Variants in CNBD1 observed in about 807,000 individuals in gnomAD.
CNBD1 encodes the protein cyclic nucleotide-binding domain-containing protein 1.
In CNBD1, 71 loss-of-function variants were observed where a neutral mutation model predicts 54.4. The observed-to-expected ratio is 1.30, with a 90% CI of 1.08 to 1.59. CNBD1 has a LOEUF of 1.59. Ranked by LOEUF, CNBD1 falls within the 40% of genes most tolerant of loss-of-function variation. CNBD1 has a pLI of 0.00. For missense variants in CNBD1, 659 were observed against 518.0 expected (o/e 1.27, Z -2.64); for synonymous variants, 182 against 170.7 (o/e 1.07, Z -0.51).
At chr8:87,056,290 G>A (rs1368370715) in intron 4 of CNBD1, among the ~76,000 whole-genome samples, 1 of 152,190 alleles carries the variant, frequency 6.6e-6, no homozygotes, top group African/African-American at 2.4e-5. Context: ...ACACTGCTGG[G>A]CTGGGAGATG....
At chr8:87,195,600 G>A (rs1187329783) in intron 4 of CNBD1, among the ~76,000 whole-genome samples, 2 of 149,340 alleles carry the variant, frequency 1.3e-5, no homozygotes, top group Non-Finnish European at 3.0e-5. Context: ...TTGAGACAGA[G>A]TCTTGCTCTG....
chr8:87,250,256 A>C (rs949255689), intron 6 of CNBD1, among the ~76,000 whole-genome samples: 3 of 152,208 alleles, frequency 2.0e-5, no homozygotes, highest in African/African-American at 7.2e-5. Flanking sequence ...AAGAAATGCA[A>C]ATCAAAACTC....
chr8:87,075,856 A>G (rs1810858383), intron 4 of CNBD1, among the ~76,000 whole-genome samples: 1 of 152,176 alleles, frequency 6.6e-6, no homozygotes, highest in South Asian at 2.1e-4. Flanking sequence ...GCCTAGACTG[A>G]ACCCCTGGGG....
At chr8:87,017,098 T>TG (rs1260600012) in intron 4 of CNBD1, among the ~76,000 whole-genome samples, 2 of 152,148 alleles carry the variant, frequency 1.3e-5, no homozygotes, top group Non-Finnish European at 2.9e-5. Flanking sequence ...AACCCCCTGC[T>TG]GGGAACCCCG....
chr8:87,050,616 G>A (rs962430326), intron 4 of CNBD1, among the ~76,000 whole-genome samples: 12 of 152,144 alleles, frequency 7.9e-5, no homozygotes, highest in Non-Finnish European at 1.3e-4. Context: ...GAGAGTCAGG[G>A]TGCAACTAAA....
chr8:87,087,519 A>T (rs1362875688), intron 4 of CNBD1, among the ~76,000 whole-genome samples: 1 of 141,184 alleles, frequency 7.1e-6, no homozygotes, highest in African/African-American at 2.7e-5. Flanking sequence ...GCTGGAGTGC[A>T]GTGGCGCGAT....
chr8:87,353,212 G>C (rs1416277800), intron 9 of CNBD1, among the ~76,000 whole-genome samples: 1 of 152,006 alleles, frequency 6.6e-6, no homozygotes, highest in African/African-American at 2.4e-5. Context: ...ATCGGTTCTG[G>C]CCCTGGCATT....
At chr8:87,265,355 T>A (rs1445558479) in intron 6 of CNBD1, among the ~76,000 whole-genome samples, 1 of 152,116 alleles carries the variant, frequency 6.6e-6, no homozygotes, top group Non-Finnish European at 1.5e-5. Flanking sequence ...GTCCCACTGG[T>A]CTATATCTCT....
chr8:87,197,404 G>A (rs1813745458), intron 4 of CNBD1, among the ~76,000 whole-genome samples: 2 of 152,198 alleles, frequency 1.3e-5, no homozygotes, highest in South Asian at 4.1e-4. Context: ...ACACACAGGG[G>A]TGTATGTTAG....
chr8:87,406,080 T>G (rs531163486), intron 2 of CNBD1, among the ~76,000 whole-genome samples: 2 of 152,238 alleles, frequency 1.3e-5, no homozygotes, highest in Middle Eastern at 6.8e-3. Flanking sequence ...TTACTTTGAT[T>G]GCTTATATCA....
chr8:87,350,973 G>A (rs1810278378), intron 8 of CNBD1, among the ~76,000 whole-genome samples: 1 of 152,024 alleles, frequency 6.6e-6, no homozygotes, highest in Non-Finnish European at 1.5e-5. Context: ...AAAGAATAAT[G>A]ATAATAACAT....
intron 3 of CNBD1, among the ~76,000 whole-genome samples, chr8:86,927,094 G>T (rs202155471): frequency 1.3e-5 from 2 of 152,108 alleles, no homozygotes; most frequent in East Asian, 3.9e-4. Context: ...GACAGAACTG[G>T]TTGTATATGT....
rs1402640207 is a variant in CNBD1 at position 87,094,521 on chromosome 8, T to C, written c.432-111472T>C. 4.6e-5 allele frequency among the ~76,000 whole-genome samples: 7 copies of C among 152,148 alleles called. No individual in the cohort carries two copies. In the South Asian group the frequency reaches 1.5e-3, roughly 32 times the overall value. On this transcript the variant is annotated intron_variant, in intron 4 of 10. Coordinates refer to ENST00000518476, the MANE Select transcript of CNBD1 (RefSeq NM_173538.3). ...TCAAAAAGGAAGAAGGACTGCTGTA[T>C]TGTCATGTTGGCAGATTTATTCATT... is the stretch of plus-strand genomic sequence containing the variant.
At chr8:87,355,734 A>T (rs905497388) in intron 10 of CNBD1, among the ~76,000 whole-genome samples, 1 of 152,162 alleles carries the variant, frequency 6.6e-6, no homozygotes, top group Non-Finnish European at 1.5e-5. Context: ...GATAAACCAT[A>T]TAAGATTTGA....
At chr8:87,366,838 A>G (rs769749789) in intron 10 of CNBD1, among the ~76,000 whole-genome samples, 3 of 152,132 alleles carry the variant, frequency 2.0e-5, no homozygotes, top group African/African-American at 7.2e-5. Flanking sequence ...TAAGAAAGGA[A>G]GTGAAAATGT....
At chr8:87,281,997 C>CTATT (rs113909326) in intron 6 of CNBD1, among the ~76,000 whole-genome samples, 42,433 of 151,096 alleles carry the variant, frequency 0.28, 6,352 homozygotes, top group African/African-American at 0.39. Flanking sequence ...TTTTCAATAA[C>CTATT]TGTTTTGGTT....
chr8:87,262,207 T>G (rs540575128), intron 6 of CNBD1, among the ~76,000 whole-genome samples: 3 of 152,114 alleles, frequency 2.0e-5, no homozygotes, highest in Non-Finnish European at 4.4e-5. Flanking sequence ...TGTTGAACAT[T>G]ATGTTTTTAT....
chr8:87,346,532 G>T (rs1440650821), intron 8 of CNBD1, among the ~76,000 whole-genome samples: 4 of 151,376 alleles, frequency 2.6e-5, no homozygotes, highest in Non-Finnish European at 5.9e-5. Context: ...TTTCATCATT[G>T]TGATGTCTCT....
At chr8:87,174,133 A>G (rs1482100460) in intron 4 of CNBD1, among the ~76,000 whole-genome samples, 4 of 151,354 alleles carry the variant, frequency 2.6e-5, no homozygotes. Flanking sequence ...TAATTTTTGT[A>G]TTTTTTAGTA....
Sources: gnomAD v4.1 joint callset for allele counts (sites outside exome capture counted in the v4.1 genomes callset) on GRCh38, gnomAD v4.1.1 for gene constraint, MANE v1.5 for transcripts, NCBI Gene and HGNC (gene_info 2026-07-23, HGNC 2026-07-21) for gene names.